Variants in PLCB4 observed in about 807,000 individuals in gnomAD.
PLCB4 encodes 1-phosphatidylinositol 4,5-bisphosphate phosphodiesterase beta-4.
A neutral mutation model predicts 178.8 loss-of-function variants in PLCB4; 77 were observed. The ratio of observed to expected loss-of-function variants is 0.43; its 90% CI spans 0.36 to 0.52. The LOEUF (loss-of-function observed/expected upper bound fraction) is 0.52, where lower values mean the gene tolerates loss of function less well. Among genes scored for constraint, PLCB4 ranks in the 20% least tolerant of loss-of-function variants. PLCB4 has a pLI of 0.00. For missense variants in PLCB4, 1,024 were observed against 1,453.4 expected (o/e 0.70, Z 4.80); for synonymous variants, 496 against 490.8 (o/e 1.01, Z -0.14).
chr20:9,123,230 A>G (rs2092015796), intron 2 of PLCB4, among the ~76,000 whole-genome samples: 1 of 152,226 alleles, frequency 6.6e-6, no homozygotes, highest in African/African-American at 2.4e-5. Context: ...TATATTCTTC[A>G]CTACCTGTTT....
chr20:9,314,691 G>A (rs532717894), intron 4 of PLCB4, among the ~76,000 whole-genome samples: 1 of 152,046 alleles, frequency 6.6e-6, no homozygotes, highest in Non-Finnish European at 1.5e-5. Context: ...AGGGAAGAAC[G>A]TAATAAATGA....
intron 19 of PLCB4, among the ~76,000 whole-genome samples, chr20:9,398,422 T>A (rs1443781632): frequency 6.6e-6 from 1 of 152,090 alleles, no homozygotes; most frequent in Non-Finnish European, 1.5e-5. Context: ...TAGAACTGTG[T>A]TTCAAATGGT....
At chr20:9,101,789 G>A (rs1379621485) in intron 2 of PLCB4, among the ~76,000 whole-genome samples, 2 of 151,320 alleles carry the variant, frequency 1.3e-5, no homozygotes, top group African/African-American at 4.9e-5. Context: ...AGGTCTAAGA[G>A]TTAGAGGAAA....
At chr20:9,171,954 C>T (rs1344096255) in intron 2 of PLCB4, among the ~76,000 whole-genome samples, 1 of 152,104 alleles carries the variant, frequency 6.6e-6, no homozygotes, top group Non-Finnish European at 1.5e-5. Context: ...CTCATTTTCC[C>T]CTTCCCCTGT....
chr20:9,138,131 G>C (rs1269666573), intron 2 of PLCB4, among the ~76,000 whole-genome samples: 1 of 152,170 alleles, frequency 6.6e-6, no homozygotes, highest in Middle Eastern at 3.4e-3. Context: ...GATAATGAAC[G>C]TATCAGGAAG....
chr20:9,473,501 A>G (rs1183830272), intron 38 of PLCB4, 136 bp downstream of exon 38: 1 of 448,748 alleles, frequency 2.2e-6, no homozygotes, highest in Non-Finnish European at 4.0e-6. Context: ...CCATTACTAT[A>G]TTTTCTCCAT....
rs368020412 is a variant in PLCB4, at chr20:9,370,934, G to A, written c.504-280G>A. 1.1e-4 allele frequency: 30 copies of A among 281,634 alleles called. No homozygotes were observed. The East Asian group carries it at 1.4e-3, about 13-fold the overall frequency. The allele number at this position is 281,634 out of a possible 1,614,324, so 17.4% of individuals were successfully genotyped here. A position where few individuals can be genotyped will look rare whatever the true frequency, so the allele number is the denominator to read the frequency against. On this transcript the variant is annotated intron_variant, in intron 9 of 39. Transcript: ENST00000378473. ...AAAAAATAAAAAATAAAAAATAAAT[G>A]TGTGTCCCTCCAGTGCCGCTTGCCC...
At chr20:9,231,128 G>T (rs1260826436) in intron 3 of PLCB4, among the ~76,000 whole-genome samples, 1 of 152,128 alleles carries the variant, frequency 6.6e-6, no homozygotes, top group East Asian at 1.9e-4. Context: ...ACGTTGGTTG[G>T]CTTTTATTTT....
At chr20:9,385,936 T>G (rs1332813512) in intron 14 of PLCB4, among the ~76,000 whole-genome samples, 1 of 151,900 alleles carries the variant, frequency 6.6e-6, no homozygotes, top group Non-Finnish European at 1.5e-5. Flanking sequence ...CGAGCCGAGA[T>G]CACGCCACTA....
intron 2 of PLCB4, among the ~76,000 whole-genome samples, chr20:9,112,806 G>T (rs1038341343): frequency 3.3e-5 from 5 of 152,032 alleles, no homozygotes; most frequent in Non-Finnish European, 7.4e-5. Flanking sequence ...TCTTTATAGA[G>T]AGTATGCAGA....
intron 21 of PLCB4, 48 bp downstream of exon 21, chr20:9,405,396 T>TA (rs1251031793): frequency 3.6e-6 from 4 of 1,126,272 alleles, no homozygotes; most frequent in Non-Finnish European, 3.8e-6. Context: ...GCATCTAATT[T>TA]AAAAAATCTT....
intron 14 of PLCB4, among the ~76,000 whole-genome samples, chr20:9,386,177 C>G (rs1271500000): frequency 6.8e-6 from 1 of 147,152 alleles, no homozygotes; most frequent in Non-Finnish European, 1.5e-5. Flanking sequence ...CACGGAAGTC[C>G]GGGGCAGGGA....
At chr20:9,410,717 C>T (rs2039798831) in intron 24 of PLCB4, among the ~76,000 whole-genome samples, 1 of 152,194 alleles carries the variant, frequency 6.6e-6, no homozygotes, top group African/African-American at 2.4e-5. Context: ...GAGACCCATC[C>T]TCTCCCACTG....
intron 3 of PLCB4, among the ~76,000 whole-genome samples, chr20:9,247,326 C>A (rs1601419252): frequency 6.6e-6 from 1 of 152,110 alleles, no homozygotes; most frequent in East Asian, 1.9e-4. Context: ...CTCTGTTTTC[C>A]CCAGTTGTCA....
At chr20:9,173,085 T>C (rs1007640999) in intron 2 of PLCB4, among the ~76,000 whole-genome samples, 4 of 152,188 alleles carry the variant, frequency 2.6e-5, no homozygotes, top group South Asian at 4.1e-4. Context: ...GCTGTAAATA[T>C]AGGAGCTCTG....
intron 1 of PLCB4, among the ~76,000 whole-genome samples, chr20:9,075,645 G>T (rs1332618215): frequency 2.0e-5 from 3 of 152,222 alleles, no homozygotes; most frequent in Non-Finnish European, 4.4e-5. Context: ...GAGTGGTGAG[G>T]CTTGCGCCCA....
Position 9,476,768 on chromosome 20 carries a change from C to A in PLCB4, c.3532+15C>A. 1 of 1,589,678 alleles carries A rather than the reference C, an allele frequency of 6.3e-7. No homozygotes were observed. Among genetic ancestry groups the A allele is most frequent in the Non-Finnish European group, 8.6e-7 (1 of 1,157,998 alleles). ...CCAAACGCAAGGTAGGACCGAAACT[C>A]TGATAAGCAAGACGTTGCTTTCCTT... is the stretch of plus-strand genomic sequence containing the variant. On this transcript the variant is annotated intron_variant, in intron 39 of 39. Transcript: ENST00000378473.
intron 23 of PLCB4, 142 bp from the exon 24 acceptor site, chr20:9,408,915 C>A: frequency 1.3e-6 from 1 of 786,658 alleles, no homozygotes; most frequent in Non-Finnish European, 2.1e-6. Context: ...TGATCTTAAG[C>A]ATCATTTGTA....
chr20:9,279,432 A>AG (rs200252835), intron 3 of PLCB4, among the ~76,000 whole-genome samples: 95 of 152,014 alleles, frequency 6.2e-4, no homozygotes, highest in African/African-American at 2.0e-3. Flanking sequence ...GAAAACGTGA[A>AG]GGGGGGGAAA....
Sources: allele counts gnomAD v4.1 joint callset (sites outside exome capture counted in the v4.1 genomes callset), GRCh38; gene constraint gnomAD v4.1.1; transcripts MANE v1.5; gene names NCBI Gene and HGNC (gene_info 2026-07-23, HGNC 2026-07-21).